The following SRC variants were observed in gnomAD, a reference collection of about 807,000 sequenced individuals.
The protein encoded by SRC is SRC proto-oncogene, non-receptor tyrosine kinase, also known as proto-oncogene tyrosine-protein kinase Src.
In SRC, 13 loss-of-function variants were observed where a neutral mutation model predicts 62.9. The ratio of observed to expected loss-of-function variants is 0.21; its 90% CI spans 0.13 to 0.33. The LOEUF is 0.33. Among genes scored for constraint, SRC ranks in the 10% least tolerant of loss-of-function variants. The probability of loss-of-function intolerance (pLI) is 1.00; values close to 1 mark genes in which losing one functional copy is unlikely to be tolerated. For synonymous variants in SRC, 302 were observed against 317.5 expected, an observed-to-expected ratio of 0.95 and a Z score of 0.52; for missense variants, 457 against 737.3, an observed-to-expected ratio of 0.62 and a Z score of 4.40.
intron 1 of SRC, among the ~76,000 whole-genome samples, chr20:37,363,290 G>C (rs1373625261): frequency 6.6e-6 from 1 of 152,166 alleles, no homozygotes; most frequent in African/African-American, 2.4e-5. Context: ...TCTTCCCCGG[G>C]CCCCCTCGTG....
rs1175773107 is a variant in SRC at position 37,365,206 on chromosome 20, CAG to C, written c.-240_-239del. ...TCCTATTGTCCCTCCCTTTACAGAACAGAGAACAGAAGCTCAGAGAAGTGAAG... is the reference window on the plus strand; with the variant it reads ...TCCTATTGTCCCTCCCTTTACAGAACAGAACAGAAGCTCAGAGAAGTGAAG... On this transcript the variant is annotated 5_prime_UTR_variant, in exon 2 of 14. Coordinates refer to ENST00000373578, the MANE Select transcript of SRC (RefSeq NM_198291.3). 1 of 152,124 alleles carries C rather than the reference CAG, an allele frequency of 6.6e-6. No homozygotes were observed. The highest frequency in any genetic ancestry group is 1.5e-5 in the Non-Finnish European group (1 of 68,060). The allele number at this position is 152,124 out of a possible 1,614,324, so 9.4% of individuals were successfully genotyped here. A position where few individuals can be genotyped will look rare whatever the true frequency, so the allele number is the denominator to read the frequency against.
intron 5 of SRC, among the ~76,000 whole-genome samples, chr20:37,389,221 G>A (rs1372481881): frequency 2.0e-5 from 3 of 152,166 alleles, no homozygotes; most frequent in Non-Finnish European, 1.5e-5. Context: ...ACTGCCTCAA[G>A]CTCCCTCATC....
At chr20:37,382,420 G>C (rs2070379191) in intron 2 of SRC, among the ~76,000 whole-genome samples, 199 bp from the exon 3 acceptor site, 1 of 152,196 alleles carries the variant, frequency 6.6e-6, no homozygotes, top group South Asian at 2.1e-4. Context: ...GCCATACCCT[G>C]TCTCGCTCTT....
chr20:37,367,950 T>C (rs2070090797), intron 2 of SRC, among the ~76,000 whole-genome samples: 1 of 152,236 alleles, frequency 6.6e-6, no homozygotes, highest in Admixed American at 6.5e-5. Context: ...GATTTTTATA[T>C]ATTGTAGATA....
chr20:37,377,131 C>G (rs556784676), intron 2 of SRC, among the ~76,000 whole-genome samples: 1 of 152,290 alleles, frequency 6.6e-6, no homozygotes, highest in Non-Finnish European at 1.5e-5. Context: ...GTAAAGCGCC[C>G]AGCCTTGTGC....
At chr20:37,395,891 C>T (rs1310861994) in intron 7 of SRC, among the ~76,000 whole-genome samples, 1 of 152,272 alleles carries the variant, frequency 6.6e-6, no homozygotes. Flanking sequence ...GCAACCCCTC[C>T]AAGTCTCATA....
Position 37,402,189 on chromosome 20 carries a change from G to T in SRC, c.1117-246G>T, listed in dbSNP as rs12233271. 25,360 of 452,324 alleles carry T rather than the reference G, an allele frequency of 0.056. 2,832 individuals are homozygous for T. Among genetic ancestry groups the T allele is most frequent in the African/African-American group, 0.29 (14,324 of 49,802 alleles). The allele number at this position is 452,324 out of a possible 1,614,324, so 28.0% of individuals were successfully genotyped here. ...GTCACCTCGCTTTCCTGGCTGCATC[G>T]GATCTCGTGCCTCCCCTTTGACCTT... is the stretch of plus-strand genomic sequence containing the variant. On this transcript the variant is annotated intron_variant, in intron 11 of 13. Transcript: ENST00000373578. This position sits in a 1 kb window ranked among gnomAD's most constrained non-coding sequence, Gnocchi z 6.2.
chr20:37,358,107 G>T (rs1383403810), intron 1 of SRC, among the ~76,000 whole-genome samples: 4 of 152,208 alleles, frequency 2.6e-5, no homozygotes, highest in Non-Finnish European at 1.5e-5. Context: ...CTCTGTATTA[G>T]CCAGCCTGAG....
rs774569491 is a variant in SRC, at chr20:37,397,751, G to T, written c.756G>T (p.Lys252Asn). The T allele has an allele frequency of 6.2e-7, 1 of 1,610,338 alleles. No homozygotes were observed. Among genetic ancestry groups the T allele is most frequent in the South Asian group, 1.1e-5 (1 of 90,622 alleles). Residue 252 changes from lysine to asparagine, a missense_variant, in exon 9 of 14, where the codon AAG becomes AAT. By Grantham distance (94) the Lys-to-Asn change is moderately conservative. This residue lies in a region of SRC where 141 missense variants were observed against 198.4 expected (regional missense o/e 0.71). Transcript: ENST00000373578. The surrounding 1 kb of genome is among the most constrained non-coding windows in gnomAD (Gnocchi z 4.1). ...TCACCACCGTGTGCCCCACGTCCAA[G>T]CCGCAGACTCAGGGCCTGGCCAAGG... ...HRLTTVCPTS[K>N]PQTQGLAKDA...
chr20:37,372,040 A>C (rs2070173675), intron 2 of SRC, among the ~76,000 whole-genome samples: 1 of 152,108 alleles, frequency 6.6e-6, no homozygotes, highest in Non-Finnish European at 1.5e-5. Flanking sequence ...TCTGTTGCCC[A>C]GGCTGGAGTG....
chr20:37,363,990 C>T (rs1392632904), intron 1 of SRC, among the ~76,000 whole-genome samples: 1 of 152,070 alleles, frequency 6.6e-6, no homozygotes, highest in Non-Finnish European at 1.5e-5. Context: ...AGTCCCTGCC[C>T]ACCGCCTTCC....
Position 37,396,419 on chromosome 20 carries a change from T to C in SRC, c.703+108T>C. ...GTGGGGACTTCTGTTATCCTGCTTC[T>C]CTCCCCACTTCCCCCTCCCCCCTCC... On this transcript the variant is annotated intron_variant, in intron 8 of 13. Transcript: ENST00000373578. This position sits in a 1 kb window ranked among gnomAD's most constrained non-coding sequence, Gnocchi z 6.1. 1 of 1,299,192 alleles carries C rather than the reference T, an allele frequency of 7.7e-7. No homozygotes were observed. The highest frequency in any genetic ancestry group is 1.1e-6 in the Non-Finnish European group (1 of 946,656). 80.5% of individuals were successfully genotyped at this position (1,299,192 alleles called of 1,614,324 possible).
chr20:37,382,901 G>A (rs1291405147), intron 3 of SRC, 115 bp downstream of exon 3: 4 of 152,308 alleles, frequency 2.6e-5, no homozygotes, highest in African/African-American at 7.2e-5. Flanking sequence ...AGAGGGTGGT[G>A]GCAGGACTGT....
chr20:37,373,387 A>ACATATATACG lies in SRC; in HGVS notation c.-173+8117_-173+8118insACGCATATAT, dbSNP rs1234472309. Among the ~76,000 whole-genome samples the ACATATATACG allele has an allele frequency of 1.9e-4, 28 of 146,010 alleles. 1 individual carries two copies. Among genetic ancestry groups the ACATATATACG allele is most frequent in the African/African-American group, 7.4e-4 (28 of 37,936 alleles). ...ACATACACATATATGTACATTATAC[A>ACATATATACG]CATATATGCGTATATATACGCATAT... On this transcript the variant is annotated intron_variant, in intron 2 of 13. Coordinates refer to ENST00000373578, the MANE Select transcript of SRC (RefSeq NM_198291.3).
chr20:37,393,360 T>TCCCA (rs756887102), intron 5 of SRC, among the ~76,000 whole-genome samples: 7 of 152,200 alleles, frequency 4.6e-5, no homozygotes, highest in Non-Finnish European at 8.8e-5. Context: ...GGTCACTGGG[T>TCCCA]CCCAGCAGGG....
At chr20:37,353,035 A>T (rs2069829745) in intron 1 of SRC, among the ~76,000 whole-genome samples, 1 of 152,144 alleles carries the variant, frequency 6.6e-6, no homozygotes. Context: ...CTTAGATGAC[A>T]AGTCATAGGA....
At chr20:37,350,928 C>T (rs1014774663) in intron 1 of SRC, among the ~76,000 whole-genome samples, 1 of 152,196 alleles carries the variant, frequency 6.6e-6, no homozygotes, top group Non-Finnish European at 1.5e-5. Context: ...CTATTCTGAC[C>T]TTCTCCTTTC....
rs935161552 is a variant in SRC at position 37,405,132 on chromosome 20, G to A, written c.*1753G>A. On this transcript the variant is annotated 3_prime_UTR_variant, in exon 14 of 14. Coordinates refer to ENST00000373578, the MANE Select transcript of SRC (RefSeq NM_198291.3). ...GTCTTTATTACCCAAGTCTTCTCCCGTCCATTCCAGTCAAATCTGGGCTCA... is the reference window on the plus strand; with the variant it reads ...GTCTTTATTACCCAAGTCTTCTCCCATCCATTCCAGTCAAATCTGGGCTCA... 9 of 232,414 alleles carry A rather than the reference G, an allele frequency of 3.9e-5. No individual in the cohort carries two copies. Among genetic ancestry groups the A allele is most frequent in the South Asian group, 1.8e-4 (1 of 5,496 alleles). The allele number at this position is 232,414 out of a possible 1,614,324, so 14.4% of individuals were successfully genotyped here.
intron 1 of SRC, among the ~76,000 whole-genome samples, chr20:37,354,370 C>G (rs573473950): frequency 4.3e-4 from 65 of 152,278 alleles, no homozygotes; most frequent in African/African-American, 1.5e-3. Context: ...AACAAGTGTG[C>G]ACCCGGTGGG....
Sources: allele counts gnomAD v4.1 joint callset (sites outside exome capture counted in the v4.1 genomes callset), GRCh38; gene constraint gnomAD v4.1.1; regional missense constraint gnomAD v4.1.1; non-coding constraint Gnocchi (gnomAD v3.1); transcripts MANE v1.5; gene names NCBI Gene and HGNC (gene_info 2026-07-23, HGNC 2026-07-21).